The following MACC1 variants were observed in gnomAD, a reference collection of about 807,000 sequenced individuals.
MACC1 encodes metastasis-associated in colon cancer protein 1.
Under a neutral mutation model 70.7 loss-of-function variants are expected in MACC1, and 79 were observed. The observed-to-expected ratio is 1.12, with a 90% CI of 0.93 to 1.35. The LOEUF (loss-of-function observed/expected upper bound fraction) is 1.35. Among genes scored for constraint, MACC1 ranks in the 40% most tolerant of loss-of-function variants. The pLI, the probability that MACC1 is intolerant of heterozygous loss-of-function variation, is 0.00. For missense variants in MACC1, 1,106 were observed against 978.1 expected (o/e 1.13, Z -1.74); for synonymous variants, 361 against 347.2 (o/e 1.04, Z -0.44).
intron 1 of MACC1, among the ~76,000 whole-genome samples, chr7:20,171,239 A>C (rs183951081): frequency 1.5e-4 from 22 of 144,274 alleles, no homozygotes; most frequent in African/African-American, 5.3e-4. Context: ...TAGAAACTGG[A>C]AGATTATTTT....
chr7:20,215,476 C>T (rs558900132), intron 1 of MACC1, among the ~76,000 whole-genome samples: 112 of 152,284 alleles, frequency 7.4e-4, no homozygotes, highest in African/African-American at 2.6e-3. Flanking sequence ...GTGTTCAGTG[C>T]CTCTGCAGCT....
intron 1 of MACC1, among the ~76,000 whole-genome samples, chr7:20,194,045 TC>T (rs1231770173): frequency 2.0e-5 from 3 of 152,148 alleles, no homozygotes; most frequent in African/African-American, 7.2e-5. Context: ...CGGTGACTCC[TC>T]ACTTGCTGGG....
At chr7:20,147,969 A>G (rs376217827) in intron 6 of MACC1, among the ~76,000 whole-genome samples, 5 of 152,314 alleles carry the variant, frequency 3.3e-5, no homozygotes, top group Middle Eastern at 3.4e-3. Flanking sequence ...GACAACTGAC[A>G]CCAATGTTTA....
chr7:20,182,474 G>A (rs998211113), intron 1 of MACC1, among the ~76,000 whole-genome samples: 3 of 152,210 alleles, frequency 2.0e-5, no homozygotes, highest in East Asian at 1.9e-4. Context: ...CCTATTTGCT[G>A]TTCTTAGTGT....
chr7:20,197,260 C>G (rs1782767476), intron 1 of MACC1, among the ~76,000 whole-genome samples: 1 of 152,194 alleles, frequency 6.6e-6, no homozygotes, highest in African/African-American at 2.4e-5. Flanking sequence ...CCAGCACTGC[C>G]ATTTTCCCTC....
chr7:20,166,877 C>T (rs1208910903), intron 2 of MACC1, among the ~76,000 whole-genome samples: 1 of 152,146 alleles, frequency 6.6e-6, no homozygotes, highest in African/African-American at 2.4e-5. Context: ...AGCATAACAT[C>T]ATATTAGTGA....
In MACC1 at chr7:20,158,698, C is replaced by A. The variant is rs34476934; in HGVS notation, c.1663G>T (p.Val555Leu). Residue 555 changes from valine to leucine, a missense_variant, in exon 5 of 7, where the codon GTA (valine) becomes TTA (leucine). Coordinates refer to ENST00000400331, the MANE Select transcript of MACC1 (RefSeq NM_182762.4). ...DKTLNFSNYG[V>L]TLKAVLRQSK... ...TGTCTTAGCACTGCCTTCAGGGTTACCCCATAGTTGCTAAAGTTCAATGTT... is the reference window on the plus strand; with the variant it reads ...TGTCTTAGCACTGCCTTCAGGGTTAACCCATAGTTGCTAAAGTTCAATGTT... The A allele has an allele frequency of 1.6e-3, 2,662 of 1,613,826 alleles. 33 individuals carry two copies. In the African/African-American group the frequency reaches 0.02, roughly 12 times the overall value.
At position 20,139,699 on chromosome 7, in the gene MACC1, C is replaced by G. The variant is rs1475497384; in HGVS notation, c.*1247G>C. The G allele has an allele frequency of 6.6e-6, 1 of 152,142 alleles. No individual in the cohort carries two copies. The highest frequency in any genetic ancestry group is 2.4e-5 in the African/African-American group (1 of 41,424). 9.4% of individuals were successfully genotyped at this position (152,142 alleles called of 1,614,324 possible). A position where few individuals can be genotyped will look rare whatever the true frequency, so the allele number is the denominator to read the frequency against. On this transcript the variant is annotated 3_prime_UTR_variant, in exon 7 of 7. Transcript: ENST00000400331. ...ACTGGCAGGCAACCAGAGGATTGAACAGAGGAGTAAGCAAAATACATCTCT... is the reference window on the plus strand; with the variant it reads ...ACTGGCAGGCAACCAGAGGATTGAAGAGAGGAGTAAGCAAAATACATCTCT...
intron 1 of MACC1, among the ~76,000 whole-genome samples, chr7:20,203,850 T>C (rs1782869256): frequency 6.6e-6 from 1 of 152,162 alleles, no homozygotes; most frequent in Non-Finnish European, 1.5e-5. Flanking sequence ...GCAAAAATGA[T>C]CATTGTGGCT....
At chr7:20,165,846 CTTTTT>C (rs1453077634) in intron 2 of MACC1, among the ~76,000 whole-genome samples, 1 of 152,044 alleles carries the variant, frequency 6.6e-6, no homozygotes, top group Non-Finnish European at 1.5e-5. Context: ...TGATCCATTA[CTTTTT>C]TCCTTAAGAA....
chr7:20,172,162 T>C (rs1383387468), intron 1 of MACC1, among the ~76,000 whole-genome samples: 1 of 152,166 alleles, frequency 6.6e-6, no homozygotes, highest in Non-Finnish European at 1.5e-5. Context: ...TAGTGTAAAA[T>C]AAGAGGCATT....
At chr7:20,205,910 T>C (rs1194175264) in intron 1 of MACC1, among the ~76,000 whole-genome samples, 1 of 152,072 alleles carries the variant, frequency 6.6e-6, no homozygotes, top group Non-Finnish European at 1.5e-5. Flanking sequence ...CTCAGGCACC[T>C]CCATATATAC....
chr7:20,197,596 A>C (rs535957464), intron 1 of MACC1, among the ~76,000 whole-genome samples: 1 of 152,210 alleles, frequency 6.6e-6, no homozygotes, highest in Non-Finnish European at 1.5e-5. Context: ...GCCTACTCAC[A>C]ATAAACTTGG....
rs535453048 is a variant in MACC1, at chr7:20,136,918, T to G, written c.*4028A>C. On this transcript the variant is annotated 3_prime_UTR_variant, in exon 7 of 7. Coordinates refer to ENST00000400331, the MANE Select transcript of MACC1 (RefSeq NM_182762.4). ...TATATTATTAATTCTTAAAGATTAT[T>G]AATTATAATATTAAATTATAATTAT... 46 of 140,984 alleles carry G rather than the reference T, an allele frequency of 3.3e-4. No individual in the cohort carries two copies. The highest frequency in any genetic ancestry group is 6.7e-4 in the African/African-American group (27 of 40,566). The allele number at this position is 140,984 out of a possible 1,614,324, so 8.7% of individuals were successfully genotyped here.
At chr7:20,173,778 T>C (rs1782349193) in intron 1 of MACC1, among the ~76,000 whole-genome samples, 1 of 152,176 alleles carries the variant, frequency 6.6e-6, no homozygotes, top group Non-Finnish European at 1.5e-5. Flanking sequence ...TAAATGATGG[T>C]GCCATGAACC....
chr7:20,175,312 CAT>C lies in MACC1; in HGVS notation c.-217-4536_-217-4535del, dbSNP rs1162035592. On this transcript the variant is annotated intron_variant, in intron 1 of 6. Coordinates refer to ENST00000400331, the MANE Select transcript of MACC1 (RefSeq NM_182762.4). ...AAAAGAAATCTGTTACCACCAATAT[CAT>C]AAAATAAATGTGTGTGAATATGTAC... Among the ~76,000 whole-genome samples the C allele has an allele frequency of 4.6e-5, 7 of 152,108 alleles. No homozygotes were observed. The East Asian group carries it at 5.8e-4, about 13-fold the overall frequency.
At chr7:20,157,964 A>C (rs1481820563) in intron 5 of MACC1, among the ~76,000 whole-genome samples, 1 of 152,154 alleles carries the variant, frequency 6.6e-6, no homozygotes, top group Non-Finnish European at 1.5e-5. Context: ...CACAAACAGA[A>C]CTTTTTATTT....
At chr7:20,143,829 G>C (rs892512379) in intron 6 of MACC1, among the ~76,000 whole-genome samples, 3 of 152,148 alleles carry the variant, frequency 2.0e-5, no homozygotes, top group Non-Finnish European at 4.4e-5. Context: ...CCCTGAATTT[G>C]TCTGAAATGC....
At chr7:20,162,832 G>A (rs1229960323) in intron 3 of MACC1, among the ~76,000 whole-genome samples, 1 of 152,170 alleles carries the variant, frequency 6.6e-6, no homozygotes, top group Non-Finnish European at 1.5e-5. Context: ...AAATTTGGAA[G>A]ATAGTCTAGA....
Sources: allele counts gnomAD v4.1 joint callset (sites outside exome capture counted in the v4.1 genomes callset), GRCh38; gene constraint gnomAD v4.1.1; transcripts MANE v1.5; gene names NCBI Gene and HGNC (gene_info 2026-07-23, HGNC 2026-07-21).